Variants in GLIS1 observed in about 807,000 individuals in gnomAD.
The protein encoded by GLIS1 is zinc finger protein GLIS1.
GLIS1 carries 24 observed loss-of-function variants against 63.8 expected under a neutral mutation model. The observed-to-expected ratio is 0.38, with a 90% CI of 0.27 to 0.53. The LOEUF (loss-of-function observed/expected upper bound fraction) is 0.53. Ranked by LOEUF, GLIS1 falls within the 20% of genes least tolerant of loss-of-function variation. The pLI is 0.85. For missense variants in GLIS1, 1,036 were observed against 1,074.1 expected (o/e 0.96, Z 0.50); for synonymous variants, 450 against 482.5 (o/e 0.93, Z 0.88).
intron 2 of GLIS1, among the ~76,000 whole-genome samples, chr1:53,704,597 T>C (rs1396470022): frequency 1.3e-5 from 2 of 152,096 alleles, no homozygotes; most frequent in African/African-American, 4.8e-5. Flanking sequence ...GGGGAGTTCA[T>C]TTAGGACAGA....
At chr1:53,688,226 C>G (rs1364934669) in intron 2 of GLIS1, among the ~76,000 whole-genome samples, 1 of 152,258 alleles carries the variant, frequency 6.6e-6, no homozygotes, top group Admixed American at 6.5e-5. Context: ...ACGGGCTCAT[C>G]GCTCCCTCCT....
chr1:53,698,156 C>G (rs1646486153), intron 2 of GLIS1, among the ~76,000 whole-genome samples: 1 of 144,390 alleles, frequency 6.9e-6, no homozygotes, highest in Non-Finnish European at 1.5e-5. Context: ...CTCATAAACT[C>G]TCCCAGGAAC....
intron 2 of GLIS1, among the ~76,000 whole-genome samples, chr1:53,721,412 G>T (rs2100550455): frequency 6.6e-6 from 1 of 152,296 alleles, no homozygotes; most frequent in Admixed American, 6.5e-5. Flanking sequence ...GGCACCTGAA[G>T]CAAGCCTGGA....
chr1:53,568,678 C>T (rs191734256), intron 4 of GLIS1, among the ~76,000 whole-genome samples: 102 of 152,202 alleles, frequency 6.7e-4, no homozygotes, highest in Middle Eastern at 3.4e-3. Context: ...TGAGTGAGTC[C>T]TCACAAGATC....
intron 7 of GLIS1, 47 bp downstream of exon 7, chr1:53,520,587 G>A (rs1343868864): frequency 6.5e-7 from 1 of 1,538,948 alleles, no homozygotes. Flanking sequence ...GGCAGAGAAA[G>A]GCCCCTCCTG....
At chr1:53,641,950 C>T (rs1645791642) in intron 2 of GLIS1, among the ~76,000 whole-genome samples, 1 of 152,252 alleles carries the variant, frequency 6.6e-6, no homozygotes, top group African/African-American at 2.4e-5. Context: ...TCTGTGCCTC[C>T]CATCCTGGGC....
At chr1:53,738,155 C>G in intron 1 of GLIS1, 49 bp from the exon 2 acceptor site, 1 of 1,112,664 alleles carries the variant, frequency 9.0e-7, no homozygotes, top group Non-Finnish European at 1.1e-6. Flanking sequence ...AAGCGGCCCC[C>G]GTATTGTCCC....
intron 2 of GLIS1, among the ~76,000 whole-genome samples, chr1:53,718,085 C>T (rs1228011517): frequency 2.6e-5 from 4 of 152,206 alleles, no homozygotes; most frequent in Admixed American, 6.5e-5. Flanking sequence ...TTTCACTGGA[C>T]AGCCCTGTGG....
intron 2 of GLIS1, among the ~76,000 whole-genome samples, chr1:53,612,063 C>A (rs1196316692): frequency 6.6e-6 from 1 of 152,068 alleles, no homozygotes; most frequent in Admixed American, 6.5e-5. Context: ...AACTACTGGC[C>A]TCAAGTGATC....
intron 2 of GLIS1, chr1:53,733,847 G>A: frequency 1.1e-6 from 1 of 881,092 alleles, no homozygotes; most frequent in Non-Finnish European, 1.4e-6. Flanking sequence ...TGGATGAAAT[G>A]CAAGCAAATT....
chr1:53,699,982 G>A (rs1171716454), intron 2 of GLIS1, among the ~76,000 whole-genome samples: 2 of 152,176 alleles, frequency 1.3e-5, no homozygotes, highest in Non-Finnish European at 2.9e-5. Context: ...ACACAGAGAG[G>A]TTGAGTGATC....
rs533899618 is a variant in GLIS1, at chr1:53,511,441, T to C, written c.1884-1414A>G. Among the ~76,000 whole-genome samples, 1 of 152,250 alleles carries C rather than the reference T, an allele frequency of 6.6e-6. No individual in the cohort carries two copies. The highest frequency in any genetic ancestry group is 1.5e-5 in the Non-Finnish European group (1 of 68,002). On this transcript the variant is annotated intron_variant, in intron 8 of 10. Transcript: ENST00000628545. This position sits in a 1 kb window ranked among gnomAD's most constrained non-coding sequence, Gnocchi z 4.2. ...AAGTTCCTCTCTGCTCCCTCCAACGTTGGCAGCCCCTCCACTGCCCCTCCA... is the reference window on the plus strand; with the variant it reads ...AAGTTCCTCTCTGCTCCCTCCAACGCTGGCAGCCCCTCCACTGCCCCTCCA...
At chr1:53,624,973 G>A in intron 2 of GLIS1, among the ~76,000 whole-genome samples, 1 of 152,154 alleles carries the variant, frequency 6.6e-6, no homozygotes, top group East Asian at 1.9e-4. Flanking sequence ...AAACCAGGGG[G>A]CAATAGCAAT....
intron 2 of GLIS1, among the ~76,000 whole-genome samples, chr1:53,609,028 C>T (rs1645399384): frequency 6.6e-6 from 1 of 152,162 alleles, no homozygotes; most frequent in East Asian, 1.9e-4. Context: ...AGCAGAGAAA[C>T]TAAGTCACAG....
At chr1:53,633,807 G>A (rs1012252915) in intron 2 of GLIS1, among the ~76,000 whole-genome samples, 2 of 152,024 alleles carry the variant, frequency 1.3e-5, no homozygotes, top group East Asian at 1.9e-4. Context: ...GTCTCGGCGT[G>A]GGGGGGATAG....
intron 4 of GLIS1, among the ~76,000 whole-genome samples, chr1:53,572,109 G>A (rs1354395644): frequency 6.6e-6 from 1 of 152,162 alleles, no homozygotes. Context: ...ACACATATTT[G>A]CATGTATTCT....
intron 8 of GLIS1, among the ~76,000 whole-genome samples, chr1:53,510,721 G>T (rs554040650): frequency 6.6e-6 from 1 of 152,342 alleles, no homozygotes; most frequent in South Asian, 2.1e-4. Flanking sequence ...TCATCATTAT[G>T]AAGAGGAAGG....
intron 2 of GLIS1, among the ~76,000 whole-genome samples, chr1:53,726,075 C>G (rs1392971955): frequency 1.3e-5 from 2 of 152,194 alleles, no homozygotes; most frequent in African/African-American, 4.8e-5. Flanking sequence ...TCTGGAACAC[C>G]TGACTCTTTC....
At chr1:53,513,317 G>T (rs1277007551) in intron 8 of GLIS1, among the ~76,000 whole-genome samples, 2 of 151,846 alleles carry the variant, frequency 1.3e-5, no homozygotes, top group Non-Finnish European at 2.9e-5. Flanking sequence ...CTGCAATGCC[G>T]CCCTGCGTCC....
Sources: allele counts gnomAD v4.1 joint callset (sites outside exome capture counted in the v4.1 genomes callset), GRCh38; gene constraint gnomAD v4.1.1; non-coding constraint Gnocchi (gnomAD v3.1); transcripts MANE v1.5; gene names NCBI Gene and HGNC (gene_info 2026-07-23, HGNC 2026-07-21).